AGBL1: variants seen among roughly 807,000 people sequenced by gnomAD.
The protein encoded by AGBL1 is cytosolic carboxypeptidase 4.
In AGBL1, 130 loss-of-function variants were observed where a neutral mutation model predicts 118.9. The observed-to-expected ratio is 1.09, with a 90% CI of 0.95 to 1.26. The LOEUF (loss-of-function observed/expected upper bound fraction) is 1.26, where lower values mean the gene tolerates loss of function less well. Ranked by LOEUF, AGBL1 falls within the 50% of genes most tolerant of loss-of-function variation. AGBL1 has a pLI of 0.00. For missense variants in AGBL1, 1,584 were observed against 1,298.1 expected, an observed-to-expected ratio of 1.22 and a Z score of -3.38; for synonymous variants, 555 against 478.9, an observed-to-expected ratio of 1.16 and a Z score of -2.08.
intron 24 of AGBL1, among the ~76,000 whole-genome samples, chr15:87,019,266 T>G (rs1322709598): frequency 1.3e-5 from 2 of 152,212 alleles, no homozygotes; most frequent in Non-Finnish European, 2.9e-5. Context: ...CTGGATCAAG[T>G]GGACCTGACA....
rs1219754410 is a variant in AGBL1 at position 86,396,239 on chromosome 15, GTGTGTA to G, written c.2375-1125_2375-1120del. The stretch of plus-strand genomic sequence containing the variant: ...TGTGTATATATATGTGTGTGTGTGT[GTGTGTA>G]TATATATATATATATATACACACAC... On this transcript the variant is annotated intron_variant, in intron 17 of 22. Transcript: ENST00000614907. Among the ~76,000 whole-genome samples the G allele has an allele frequency of 1.4e-3, 183 of 128,166 alleles. 1 individual carries two copies. Among genetic ancestry groups the G allele is most frequent in the African/African-American group, 4.9e-3 (168 of 34,042 alleles). 84.1% of individuals were successfully genotyped at this position (128,166 alleles called of 152,430 possible). A position where few individuals can be genotyped will look rare whatever the true frequency, so the allele number is the denominator to read the frequency against.
chr15:86,976,528 CT>C (rs2081178064), intron 23 of AGBL1, among the ~76,000 whole-genome samples: 1 of 151,908 alleles, frequency 6.6e-6, no homozygotes, highest in Admixed American at 6.6e-5. Flanking sequence ...GTTTTGCTAA[CT>C]TTTGCATGCC....
intron 21 of AGBL1, among the ~76,000 whole-genome samples, chr15:86,667,233 T>C (rs2085661561): frequency 6.6e-6 from 1 of 151,712 alleles, no homozygotes; most frequent in Admixed American, 6.6e-5. Flanking sequence ...TATGTATGTA[T>C]GTATGTATGT....
At chr15:86,946,530 G>A (rs1292623050) in intron 23 of AGBL1, among the ~76,000 whole-genome samples, 1 of 151,960 alleles carries the variant, frequency 6.6e-6, no homozygotes, top group Non-Finnish European at 1.5e-5. Context: ...TTCTGTTGAA[G>A]TGTCTAGTGG....
intron 5 of AGBL1, among the ~76,000 whole-genome samples, chr15:86,215,486 C>T (rs940228112): frequency 6.6e-6 from 1 of 152,100 alleles, no homozygotes; most frequent in African/African-American, 2.4e-5. Context: ...TCTAGGGCCA[C>T]CTTCTTCCTT....
At chr15:86,480,524 CA>C (rs1473445587) in intron 18 of AGBL1, among the ~76,000 whole-genome samples, 2 of 151,848 alleles carry the variant, frequency 1.3e-5, no homozygotes, top group African/African-American at 4.8e-5. Context: ...TATAAACATT[CA>C]TTGAACATCA....
intron 18 of AGBL1, among the ~76,000 whole-genome samples, chr15:86,477,833 A>G (rs558819612): frequency 3.3e-5 from 5 of 152,364 alleles, no homozygotes; most frequent in East Asian, 3.9e-4. Context: ...AAAATCCTCA[A>G]TAAAATACTG....
intron 17 of AGBL1, among the ~76,000 whole-genome samples, chr15:86,338,592 C>T (rs1444842967): frequency 1.3e-5 from 2 of 152,000 alleles, no homozygotes; most frequent in Admixed American, 6.6e-5. Flanking sequence ...TGAACAGAAC[C>T]ACAAAGGTAG....
intron 23 of AGBL1, among the ~76,000 whole-genome samples, chr15:86,965,389 T>C (rs186533556): frequency 1.3e-5 from 2 of 152,152 alleles, no homozygotes; most frequent in African/African-American, 4.8e-5. Context: ...CCAGTGATGA[T>C]GAACTTTTTT....
intron 7 of AGBL1, among the ~76,000 whole-genome samples, chr15:86,248,300 G>A (rs2141994138): frequency 6.6e-6 from 1 of 152,332 alleles, no homozygotes; most frequent in Non-Finnish European, 1.5e-5. Flanking sequence ...CTAGGTGACA[G>A]AGTGAGACCC....
At position 86,974,417 on chromosome 15, in the gene AGBL1, CATATTTTAT is replaced by C. The variant is rs1235365180; in HGVS notation, c.3222-13564_3222-13556del. On this transcript the variant is annotated intron_variant, in intron 23 of 24. Coordinates refer to the AGBL1 transcript ENST00000441037. ...TAAATATAAACATATTAAATATAAA[CATATTTTAT>C]ATATTAAATATAAACATATTTTATA... Among the ~76,000 whole-genome samples the C allele has an allele frequency of 2.7e-3, 307 of 111,734 alleles. 19 individuals are homozygous for C. The highest frequency in any genetic ancestry group is 3.4e-3 in the Non-Finnish European group (196 of 57,240). The allele number at this position is 111,734 out of a possible 152,430, so 73.3% of individuals were successfully genotyped here.
At chr15:86,263,522 C>T (rs1478042364) in intron 10 of AGBL1, among the ~76,000 whole-genome samples, 1 of 152,196 alleles carries the variant, frequency 6.6e-6, no homozygotes, top group African/African-American at 2.4e-5. Flanking sequence ...GGTGCCCTGC[C>T]CCCATGCACT....
At chr15:86,470,311 C>G (rs529508520) in intron 18 of AGBL1, among the ~76,000 whole-genome samples, 4 of 152,192 alleles carry the variant, frequency 2.6e-5, no homozygotes, top group African/African-American at 9.6e-5. Context: ...TTTTCAAAAT[C>G]AATTACTGAA....
At chr15:86,113,710 C>T (rs1217909218) in intron 1 of AGBL1, among the ~76,000 whole-genome samples, 1 of 152,154 alleles carries the variant, frequency 6.6e-6, no homozygotes, top group Non-Finnish European at 1.5e-5. Context: ...TAATGCCATG[C>T]CACACCTAAC....
chr15:86,426,261 C>A (rs966125226), intron 18 of AGBL1, among the ~76,000 whole-genome samples: 1 of 152,100 alleles, frequency 6.6e-6, no homozygotes, highest in African/African-American at 2.4e-5. Flanking sequence ...ATGGGTGGGT[C>A]TAAGACAAAT....
At chr15:86,403,169 G>A (rs993865628) in intron 18 of AGBL1, among the ~76,000 whole-genome samples, 5 of 152,158 alleles carry the variant, frequency 3.3e-5, no homozygotes, top group African/African-American at 9.7e-5. Flanking sequence ...GGGTGAGGGA[G>A]AGGATAAGTC....
chr15:87,021,939 G>T (rs2081668917), intron 24 of AGBL1, among the ~76,000 whole-genome samples: 1 of 152,098 alleles, frequency 6.6e-6, no homozygotes, highest in African/African-American at 2.4e-5. Context: ...GGTATTCACG[G>T]CTGACAGACC....
chr15:86,687,571 T>A (rs1002199810), intron 22 of AGBL1, among the ~76,000 whole-genome samples: 13 of 152,242 alleles, frequency 8.5e-5, no homozygotes, highest in African/African-American at 2.9e-4. Context: ...TTTAATATAG[T>A]CATGAGTGAT....
intron 24 of AGBL1, among the ~76,000 whole-genome samples, chr15:87,005,565 A>G (rs2081489876): frequency 6.6e-6 from 1 of 152,128 alleles, no homozygotes; most frequent in African/African-American, 2.4e-5. Context: ...ACTTCTCTGC[A>G]TTAGTCAATC....
Sources: gnomAD v4.1 joint callset for allele counts (sites outside exome capture counted in the v4.1 genomes callset) on GRCh38, gnomAD v4.1.1 for gene constraint, MANE v1.5 for transcripts, NCBI Gene and HGNC (gene_info 2026-07-23, HGNC 2026-07-21) for gene names.